The following PIK3CD variants were observed in gnomAD, a reference collection of about 807,000 sequenced individuals.
PIK3CD encodes phosphatidylinositol-4,5-bisphosphate 3-kinase catalytic subunit delta, also known as phosphatidylinositol 4,5-bisphosphate 3-kinase catalytic subunit delta isoform.
A neutral mutation model predicts 122.9 loss-of-function variants in PIK3CD; 20 were observed. The observed-to-expected ratio is 0.16, with a 90% CI of 0.11 to 0.24. The LOEUF is 0.24. PIK3CD is among the 10% of genes least tolerant of loss of function. The probability of loss-of-function intolerance (pLI) is 1.00; values close to 1 mark genes in which losing one functional copy is unlikely to be tolerated. For missense variants in PIK3CD, 787 were observed against 1,406.3 expected (o/e 0.56, Z 7.04); for synonymous variants, 596 against 593.4 (o/e 1.00, Z -0.06).
chr1:9,631,311 T>TGAAC, the PIK3CD span, among the ~76,000 whole-genome samples: 1 of 152,172 alleles, frequency 6.6e-6, no homozygotes, highest in Admixed American at 6.5e-5. Context: ...TGGTCAAGTG[T>TGAAC]GAACGCTAAG....
intron 1 of PIK3CD, among the ~76,000 whole-genome samples, chr1:9,668,133 C>T (rs1475842690): frequency 6.6e-6 from 1 of 151,962 alleles, no homozygotes; most frequent in Non-Finnish European, 1.5e-5. Flanking sequence ...ATGAGGTCTG[C>T]ACTTCCTTAG....
rs750767155 is a variant in PIK3CD at position 9,723,980 on chromosome 1, A to G, written c.2606A>G (p.Asp869Gly). The change falls in exon 21 of 24, where the codon GAT (aspartate) becomes GGT (glycine). Residue 869 changes from aspartate to glycine, a missense_variant. Asp to Gly is a moderately conservative substitution (Grantham distance 94). This residue lies in a region of PIK3CD where 69 missense variants were observed against 166.8 expected (regional missense o/e 0.41). Transcript: ENST00000377346. This position sits in a 1 kb window ranked among gnomAD's most constrained non-coding sequence, Gnocchi z 4.9. ...LKSKNPGEAL[D>G]RAIEEFTLSC... ...TCTTCCCCACCCAGGGAGGCCCTGG[A>G]TCGAGCCATTGAGGAGTTCACCCTC... 6.2e-7 allele frequency: 1 copy of G among 1,614,130 alleles called. No homozygotes were observed. Among genetic ancestry groups the G allele is most frequent in the East Asian group, 2.2e-5 (1 of 44,884 alleles).
In PIK3CD at chr1:9,724,077, C is replaced by A; in HGVS notation, c.2703C>A (p.Ile901=). 1 of 1,614,176 alleles carries A rather than the reference C, an allele frequency of 6.2e-7. No homozygotes were observed. Among genetic ancestry groups the A allele is most frequent in the Non-Finnish European group, 8.5e-7 (1 of 1,180,026 alleles). ...IGDRHSDNIM[I]RESGQLFHID... ...ATCGGCACAGCGACAACATCATGAT[C>A]CGAGAGAGTGGGCAGGTACAGGGGC... is the stretch of plus-strand genomic sequence containing the variant. Residue 901 remains isoleucine, a synonymous_variant, in exon 21 of 24, where the codon ATC becomes ATA. Coordinates refer to ENST00000377346, the MANE Select transcript of PIK3CD (RefSeq NM_005026.5). The surrounding 1 kb of genome is among the most constrained non-coding windows in gnomAD (Gnocchi z 7.3).
the PIK3CD span, among the ~76,000 whole-genome samples, chr1:9,634,149 GTTTTTTTTTTTTT>G: frequency 2.2e-5 from 1 of 46,362 alleles, no homozygotes; most frequent in Non-Finnish European, 3.5e-5. Context: ...TTTTTGGGTT[GTTTTTTTTTTTTT>G]TTTTTTTTTG....
chr1:9,645,551 C>A, the PIK3CD span, among the ~76,000 whole-genome samples: 3 of 151,016 alleles, frequency 2.0e-5, no homozygotes, highest in Non-Finnish European at 4.4e-5. Context: ...AATTCTCCTG[C>A]CTCAGTCTCC....
intron 1 of PIK3CD, among the ~76,000 whole-genome samples, chr1:9,659,971 A>G (rs1570075930): frequency 6.6e-6 from 1 of 152,228 alleles, no homozygotes; most frequent in African/African-American, 2.4e-5. Context: ...GCTGGAGTGC[A>G]ATGGCGCGAT....
In PIK3CD at chr1:9,689,415, G is replaced by A. The variant is rs1277251088; in HGVS notation, c.-137-2052G>A. 6.6e-6 allele frequency among the ~76,000 whole-genome samples: 1 copy of A among 151,466 alleles called. No individual in the cohort carries two copies. Among genetic ancestry groups the A allele is most frequent in the South Asian group, 2.1e-4 (1 of 4,830 alleles). ...GCTCGGGCGCTTCTCCCGGCTGGGG[G>A]TGTGAGAATTTGCCGACGGTGCCCG... On this transcript the variant is annotated intron_variant, in intron 1 of 23. Coordinates refer to ENST00000377346, the MANE Select transcript of PIK3CD (RefSeq NM_005026.5). This position sits in a 1 kb window ranked among gnomAD's most constrained non-coding sequence, Gnocchi z 6.1.
At chr1:9,640,993 C>T in the PIK3CD span, among the ~76,000 whole-genome samples, 39 of 152,310 alleles carry the variant, frequency 2.6e-4, no homozygotes, top group African/African-American at 7.7e-4. Context: ...GCTCCAGTGT[C>T]CTGACCTCAA....
Position 9,724,791 on chromosome 1 carries a change from C to T in PIK3CD, c.2865-13C>T, listed in dbSNP as rs750348816. ...GTTCCCAGAGCCTCACTTCCTCTGT[C>T]CCCTACCTGCAGGTTCCGGGGCTAC... On this transcript the variant is annotated splice_polypyrimidine_tract_variant and intron_variant, in intron 22 of 23. Transcript: ENST00000377346. This position sits in a 1 kb window ranked among gnomAD's most constrained non-coding sequence, Gnocchi z 7.3. 8 of 1,612,274 alleles carry T rather than the reference C, an allele frequency of 5.0e-6. No homozygotes were observed. Among genetic ancestry groups the T allele is most frequent in the African/African-American group, 1.3e-5 (1 of 74,880 alleles).
chr1:9,679,374 A>C (rs972444810), intron 1 of PIK3CD, among the ~76,000 whole-genome samples: 3 of 151,434 alleles, frequency 2.0e-5, no homozygotes, highest in African/African-American at 7.3e-5. Context: ...GGTCTGGGGG[A>C]AATTTCTATA....
chr1:9,671,360 A>T (rs1645320570), intron 1 of PIK3CD, among the ~76,000 whole-genome samples: 1 of 152,198 alleles, frequency 6.6e-6, no homozygotes, highest in Non-Finnish European at 1.5e-5. Context: ...TGGCCTTCCA[A>T]AGTGCTGGGA....
upstream of PIK3CD, among the ~76,000 whole-genome samples, chr1:9,651,424 T>C (rs1333526625): frequency 6.6e-6 from 1 of 152,196 alleles, no homozygotes; most frequent in Non-Finnish European, 1.5e-5. Context: ...CCTGCTGAAA[T>C]TCTTTCCTGC....
Position 9,715,673 on chromosome 1 carries a change from G to T in PIK3CD, c.274G>T (p.Val92Leu). 1 of 1,613,746 alleles carries T rather than the reference G, an allele frequency of 6.2e-7. No homozygotes were observed. Among genetic ancestry groups the T allele is most frequent in the Non-Finnish European group, 8.5e-7 (1 of 1,180,032 alleles). The stretch of plus-strand genomic sequence containing the variant: ...GGACGAGCAACGGCGTCTGTGTGAC[G>T]TGCAGCCCTTCCTGCCCGTCCTGCG... ...LEDEQRRLCDVQPFLPVLRLV... is the reference protein window; with the variant it reads ...LEDEQRRLCDLQPFLPVLRLV... The change falls in exon 4 of 24, where the codon GTG becomes TTG. Residue 92 changes from valine to leucine, a missense_variant. Val to Leu is a conservative substitution (Grantham distance 32). This residue lies in a region of PIK3CD where 592 missense variants were observed against 920.6 expected (regional missense o/e 0.64). Transcript: ENST00000377346. This position sits in a 1 kb window ranked among gnomAD's most constrained non-coding sequence, Gnocchi z 4.1.
chr1:9,654,704 G>A (rs769292062), intron 1 of PIK3CD: 2 of 346,826 alleles, frequency 5.8e-6, no homozygotes, highest in East Asian at 7.9e-5. Flanking sequence ...CCAGCTGCCG[G>A]TGTGGGCCTG....
rs980109169 is a variant in PIK3CD at position 9,715,790 on chromosome 1, G to A, written c.370+21G>A. 10 of 1,612,224 alleles carry A rather than the reference G, an allele frequency of 6.2e-6. No individual in the cohort carries two copies. The highest frequency in any genetic ancestry group is 2.2e-5 in the East Asian group (1 of 44,876). On this transcript the variant is annotated intron_variant, in intron 4 of 23. Transcript: ENST00000377346. The surrounding 1 kb of genome is among the most constrained non-coding windows in gnomAD (Gnocchi z 4.1). ...CAAAGGTAGCTCTGCCGAGTGGGCC[G>A]TGTGGCCGGGCTGGCCCTGCCTGCC...
chr1:9,641,563 C>G, the PIK3CD span, among the ~76,000 whole-genome samples: 1 of 149,866 alleles, frequency 6.7e-6, no homozygotes, highest in South Asian at 2.1e-4. Flanking sequence ...TGGGGAGCCC[C>G]CATCTAGCTG....
At chr1:9,642,695 C>T in the PIK3CD span, among the ~76,000 whole-genome samples, 3 of 134,114 alleles carry the variant, frequency 2.2e-5, no homozygotes, top group East Asian at 2.2e-4. Context: ...CCAGCCTGGG[C>T]GAAAGAGCGA....
Position 9,717,701 on chromosome 1 carries a change from C to T in PIK3CD, c.1020+75C>T. On this transcript the variant is annotated intron_variant, in intron 8 of 23. Transcript: ENST00000377346. This position sits in a 1 kb window ranked among gnomAD's most constrained non-coding sequence, Gnocchi z 5.4. ...AGGTGGCTGTATCCTGGAGGGGTAGCAGAGGAAGGAGGGGGATCACATGAA... is the reference window on the plus strand; with the variant it reads ...AGGTGGCTGTATCCTGGAGGGGTAGTAGAGGAAGGAGGGGGATCACATGAA... The T allele has an allele frequency of 1.5e-6, 2 of 1,332,158 alleles. No individual in the cohort carries two copies. The highest frequency in any genetic ancestry group is 2.1e-6 in the Non-Finnish European group (2 of 935,514). The allele number at this position is 1,332,158 out of a possible 1,614,324, so 82.5% of individuals were successfully genotyped here. A position where few individuals can be genotyped will look rare whatever the true frequency, so the allele number is the denominator to read the frequency against.
rs1435851914 is a variant in PIK3CD, at chr1:9,728,080, C to G, written c.*1034C>G. Reference sequence around the variant, plus strand: ...TGAGCCTCCCAAAGTGCTGGGATTACAGGCATGAGCCACCGCGCCCGGCCC... The same window carrying G: ...TGAGCCTCCCAAAGTGCTGGGATTAGAGGCATGAGCCACCGCGCCCGGCCC... On this transcript the variant is annotated 3_prime_UTR_variant, in exon 24 of 24. Coordinates refer to ENST00000377346, the MANE Select transcript of PIK3CD (RefSeq NM_005026.5). The G allele has an allele frequency of 6.5e-6, 1 of 153,454 alleles. No individual in the cohort carries two copies. Among genetic ancestry groups the G allele is most frequent in the Non-Finnish European group, 1.5e-5 (1 of 68,776 alleles). 9.5% of individuals were successfully genotyped at this position (153,454 alleles called of 1,614,324 possible).
Sources: gnomAD v4.1 joint callset for allele counts (sites outside exome capture counted in the v4.1 genomes callset) on GRCh38, gnomAD v4.1.1 for gene constraint, gnomAD v4.1.1 regional missense constraint, Gnocchi (gnomAD v3.1) non-coding constraint, MANE v1.5 for transcripts, NCBI Gene and HGNC (gene_info 2026-07-23, HGNC 2026-07-21) for gene names.